FGD6: variants seen among roughly 807,000 people sequenced by gnomAD.
The protein encoded by FGD6 is FYVE, RhoGEF and PH domain-containing protein 6.
In FGD6, 90 loss-of-function variants were observed where a neutral mutation model predicts 149.4. The observed-to-expected ratio is 0.60, with a 90% confidence interval of 0.51 to 0.72. The LOEUF is 0.72. Among genes scored for constraint, FGD6 ranks in the 30% least tolerant of loss-of-function variants. The probability of loss-of-function intolerance (pLI) is 0.00; values close to 1 mark genes in which losing one functional copy is unlikely to be tolerated. For synonymous variants in FGD6, 527 were observed against 584.0 expected (o/e 0.90, Z 1.41); for missense variants, 1,437 against 1,684.8 (o/e 0.85, Z 2.57).
At chr12:95,121,260 T>C (rs184624161) in intron 8 of FGD6, among the ~76,000 whole-genome samples, 1 of 151,660 alleles carries the variant, frequency 6.6e-6, no homozygotes, top group Non-Finnish European at 1.5e-5. Flanking sequence ...GCCAACATGG[T>C]GAAACCCTGT....
intron 17 of FGD6, 110 bp downstream of exon 17, chr12:95,091,597 A>C: frequency 1.6e-6 from 1 of 628,170 alleles, no homozygotes; most frequent in East Asian, 2.9e-5. Context: ...TTTGGAGATA[A>C]GTATCAACAA....
intron 8 of FGD6, among the ~76,000 whole-genome samples, chr12:95,129,898 T>C (rs181938100): frequency 1.3e-5 from 2 of 152,230 alleles, no homozygotes; most frequent in African/African-American, 4.8e-5. Context: ...GGTCTCGAAC[T>C]TCTGAGCTCA....
chr12:95,089,907 G>A (rs1301148459), intron 17 of FGD6, among the ~76,000 whole-genome samples: 1 of 152,092 alleles, frequency 6.6e-6, no homozygotes, highest in Non-Finnish European at 1.5e-5. Context: ...TGAACTTTAT[G>A]TGAAAGGATT....
At chr12:95,115,400 C>CTT (rs59390285) in intron 8 of FGD6, among the ~76,000 whole-genome samples, 11,057 of 129,144 alleles carry the variant, frequency 0.086, 806 homozygotes, top group East Asian at 0.14. Context: ...TCCATGTCTG[C>CTT]TTTTTTTTTT....
At chr12:95,125,093 A>G (rs1158189227) in intron 8 of FGD6, among the ~76,000 whole-genome samples, 1 of 152,150 alleles carries the variant, frequency 6.6e-6, no homozygotes, top group Non-Finnish European at 1.5e-5. Flanking sequence ...TATGTAGTTT[A>G]TTCAGCACTT....
At chr12:95,167,631 A>G (rs564771291) in intron 3 of FGD6, among the ~76,000 whole-genome samples, 155 of 149,836 alleles carry the variant, frequency 1.0e-3, no homozygotes, top group Middle Eastern at 6.8e-3. Flanking sequence ...TTGGACTGCA[A>G]TGGTGTGATC....
At chr12:95,138,809 C>T (rs1218281540) in intron 6 of FGD6, among the ~76,000 whole-genome samples, 1 of 152,180 alleles carries the variant, frequency 6.6e-6, no homozygotes, top group African/African-American at 2.4e-5. Context: ...AGGGCTTTCC[C>T]TGACCACTCA....
intron 18 of FGD6, among the ~76,000 whole-genome samples, chr12:95,086,539 T>C (rs1267705260): frequency 2.2e-5 from 3 of 133,558 alleles, no homozygotes; most frequent in Non-Finnish European, 4.8e-5. Context: ...TTTTTTTCTT[T>C]TTTTTTTTTT....
chr12:95,144,256 C>A (rs1341878836), intron 5 of FGD6, among the ~76,000 whole-genome samples: 2 of 152,176 alleles, frequency 1.3e-5, no homozygotes. Context: ...TCGGAATGGA[C>A]TGATGGCCCA....
At chr12:95,109,955 ACT>A (rs761023293) in intron 9 of FGD6, among the ~76,000 whole-genome samples, 4 of 151,626 alleles carry the variant, frequency 2.6e-5, no homozygotes, top group Non-Finnish European at 5.9e-5. Context: ...CTATCAAAGG[ACT>A]GTCTTCCTGG....
At chr12:95,148,770 C>T (rs185428040) in intron 5 of FGD6, among the ~76,000 whole-genome samples, 5,480 of 70,118 alleles carry the variant, frequency 0.078, 1,230 homozygotes, top group African/African-American at 0.18. Context: ...TGTTATATTA[C>T]ATATATTATA....
intron 5 of FGD6, among the ~76,000 whole-genome samples, chr12:95,143,658 C>G (rs753485982): frequency 3.3e-5 from 5 of 152,210 alleles, no homozygotes; most frequent in Non-Finnish European, 7.3e-5. Context: ...CTCCCAACAG[C>G]TTGCTTCAAT....
At chr12:95,201,524 G>A (rs959905051) in intron 2 of FGD6, among the ~76,000 whole-genome samples, 2 of 152,076 alleles carry the variant, frequency 1.3e-5, no homozygotes, top group African/African-American at 4.8e-5. Flanking sequence ...AATGCATTCC[G>A]ATTTCCAAAC....
intron 8 of FGD6, among the ~76,000 whole-genome samples, chr12:95,133,326 G>A (rs1392420711): frequency 1.3e-5 from 2 of 152,196 alleles, no homozygotes; most frequent in Non-Finnish European, 2.9e-5. Flanking sequence ...GCTGAGGCAG[G>A]AGAATCGCTT....
chr12:95,106,530 G>A (rs185899871), intron 13 of FGD6, among the ~76,000 whole-genome samples: 107 of 147,504 alleles, frequency 7.3e-4, no homozygotes, highest in Non-Finnish European at 1.1e-3. Flanking sequence ...GTGATCCACC[G>A]GCCTCAGCCT....
chr12:95,210,171 C>T lies in FGD6; in HGVS notation c.1113G>A (p.Lys371=), dbSNP rs745889470. Residue 371 remains lysine (K), a synonymous_variant, in exon 2 of 21, where the codon AAG becomes AAA. Transcript: ENST00000343958. ...ISVLHQNVLC[K]QEQVDKMKLG... is the part of the protein sequence containing the mutation. ...GCTTCATTTTATCCACCTGTTCCTG[C>T]TTACACAAAACATTCTGATGCAGAA... The T allele has an allele frequency of 6.2e-7, 1 of 1,613,962 alleles. No individual in the cohort carries two copies. Among genetic ancestry groups the T allele is most frequent in the Non-Finnish European group, 8.5e-7 (1 of 1,180,010 alleles).
At chr12:95,141,743 T>C (rs755629005) in intron 5 of FGD6, among the ~76,000 whole-genome samples, 26 of 152,164 alleles carry the variant, frequency 1.7e-4, no homozygotes, top group Non-Finnish European at 3.1e-4. Flanking sequence ...AGACGATTAT[T>C]TGATTTTCAA....
chr12:95,158,862 A>AAATAAT (rs59224007), intron 3 of FGD6, among the ~76,000 whole-genome samples: 31 of 150,388 alleles, frequency 2.1e-4, no homozygotes, highest in African/African-American at 2.7e-4. Flanking sequence ...TCGTTAGTAA[A>AAATAAT]AATAATAATA....
chr12:95,125,595 C>A (rs1414754651), intron 8 of FGD6, among the ~76,000 whole-genome samples: 4 of 152,144 alleles, frequency 2.6e-5, no homozygotes, highest in African/African-American at 9.7e-5. Context: ...ATGATCCTGC[C>A]ACCACACTCT....
Sources: gnomAD v4.1 joint callset for allele counts (sites outside exome capture counted in the v4.1 genomes callset) on GRCh38, gnomAD v4.1.1 for gene constraint, MANE v1.5 for transcripts, NCBI Gene and HGNC (gene_info 2026-07-23, HGNC 2026-07-21) for gene names.